The following ADARB2 variants were observed in gnomAD, a reference collection of about 807,000 sequenced individuals.
The protein encoded by ADARB2 is adenosine deaminase RNA specific B2 (inactive), also known as inactive double-stranded RNA-specific editase B2.
ADARB2 carries 25 observed loss-of-function variants against 62.2 expected under a neutral mutation model. The observed-to-expected ratio is 0.40, with a 90% CI of 0.29 to 0.56. The LOEUF (loss-of-function observed/expected upper bound fraction) is 0.56, where lower values mean the gene tolerates loss of function less well. ADARB2 is among the 20% of genes least tolerant of loss of function. The pLI, the probability that ADARB2 is intolerant of heterozygous loss-of-function variation, is 0.43. For synonymous variants in ADARB2, 572 were observed against 500.8 expected (o/e 1.14, Z -1.90); for missense variants, 1,071 against 1,077.4 (o/e 0.99, Z 0.08).
rs980743597 is a variant in ADARB2, at chr10:1,212,060, G to C, written c.1682+4891C>G. ...CCACGGCCACGTGTGTCCTCCTGCC[G>C]CTTCACAGACGGTGACTTCCACCTC... On this transcript the variant is annotated intron_variant, in intron 7 of 9. Coordinates refer to ENST00000381312, the MANE Select transcript of ADARB2 (RefSeq NM_018702.4). Among the ~76,000 whole-genome samples the C allele has an allele frequency of 6.6e-5, 10 of 152,216 alleles. No individual in the cohort carries two copies. In the East Asian group the frequency reaches 1.9e-3, roughly 29 times the overall value.
intron 1 of ADARB2, among the ~76,000 whole-genome samples, chr10:1,493,974 T>C (rs1183560843): frequency 4.6e-5 from 7 of 151,922 alleles, no homozygotes; most frequent in Non-Finnish European, 1.0e-4. Context: ...CAGGCTGGTC[T>C]TCAACTCCTG....
intron 1 of ADARB2, among the ~76,000 whole-genome samples, chr10:1,605,162 G>C (rs916172748): frequency 6.6e-6 from 1 of 152,182 alleles, no homozygotes; most frequent in African/African-American, 2.4e-5. Context: ...CAGAATCCAT[G>C]GTTCAGGTGA....
intron 6 of ADARB2, 21 bp downstream of exon 6, chr10:1,233,673 G>GGT: frequency 6.3e-7 from 1 of 1,596,246 alleles, no homozygotes; most frequent in Non-Finnish European, 8.6e-7. Context: ...GCCTACAGAA[G>GGT]GTAAAAGCAT....
intron 1 of ADARB2, among the ~76,000 whole-genome samples, chr10:1,711,015 C>T (rs938673647): frequency 1.3e-5 from 2 of 152,142 alleles, no homozygotes; most frequent in African/African-American, 4.8e-5. Flanking sequence ...CTTGCAAACT[C>T]TCAGGGCACC....
At chr10:1,334,130 G>A (rs1009094396) in intron 3 of ADARB2, among the ~76,000 whole-genome samples, 24 of 152,192 alleles carry the variant, frequency 1.6e-4, no homozygotes, top group Non-Finnish European at 5.9e-5. Context: ...GGCAGAGGCC[G>A]GAGGCTGTTT....
At chr10:1,247,563 C>T (rs538137596) in intron 4 of ADARB2, among the ~76,000 whole-genome samples, 42 of 152,202 alleles carry the variant, frequency 2.8e-4, no homozygotes, top group Admixed American at 7.8e-4. Context: ...AAGGAGAGGG[C>T]GGGCGTCATC....
At chr10:1,443,910 T>C (rs1830930880) in intron 1 of ADARB2, among the ~76,000 whole-genome samples, 1 of 152,166 alleles carries the variant, frequency 6.6e-6, no homozygotes, top group Non-Finnish European at 1.5e-5. Context: ...TCTACCACTA[T>C]TGCAGGTTAA....
intron 8 of ADARB2, among the ~76,000 whole-genome samples, chr10:1,195,700 G>T (rs1442344218): frequency 6.6e-6 from 1 of 152,096 alleles, no homozygotes; most frequent in South Asian, 2.1e-4. Flanking sequence ...AGAAGAAGAG[G>T]GATGGTGCTC....
intron 3 of ADARB2, among the ~76,000 whole-genome samples, chr10:1,276,319 C>G (rs1470886067): frequency 6.6e-6 from 1 of 152,252 alleles, no homozygotes; most frequent in East Asian, 1.9e-4. Context: ...TGAGAAGTGT[C>G]TGTTCATATC....
intron 1 of ADARB2, among the ~76,000 whole-genome samples, chr10:1,657,488 T>C (rs916382100): frequency 1.3e-5 from 2 of 152,232 alleles, no homozygotes; most frequent in Admixed American, 1.3e-4. Context: ...TCTTTCCTCC[T>C]CTCTTGGCCT....
At chr10:1,480,784 T>C (rs2131924114) in intron 1 of ADARB2, among the ~76,000 whole-genome samples, 1 of 152,272 alleles carries the variant, frequency 6.6e-6, no homozygotes, top group South Asian at 2.1e-4. Flanking sequence ...GTAAAAGCCT[T>C]GGATACTGAA....
At chr10:1,440,074 T>C (rs1830886161) in intron 1 of ADARB2, among the ~76,000 whole-genome samples, 2 of 149,718 alleles carry the variant, frequency 1.3e-5, no homozygotes, top group South Asian at 4.3e-4. Context: ...TTCTTCACTA[T>C]GGGGCTCCTG....
At chr10:1,185,143 G>C in intron 8 of ADARB2, 104 bp from the exon 9 acceptor site, 2 of 1,377,506 alleles carry the variant, frequency 1.5e-6, no homozygotes, top group Non-Finnish European at 9.7e-7. Context: ...GAGTGGGAAT[G>C]GTCCTCCCTT....
At chr10:1,675,478 G>A (rs1306673570) in intron 1 of ADARB2, 3 of 982,114 alleles carry the variant, frequency 3.1e-6, no homozygotes, top group African/African-American at 3.5e-5. Flanking sequence ...TTTGGGTTTG[G>A]GGGTACATGG....
intron 6 of ADARB2, among the ~76,000 whole-genome samples, chr10:1,224,442 T>C (rs1332099486): frequency 3.7e-4 from 56 of 152,052 alleles, no homozygotes; most frequent in Non-Finnish European, 6.8e-4. Context: ...CTGCTCTGAT[T>C]TTAGTTATTT....
intron 1 of ADARB2, among the ~76,000 whole-genome samples, chr10:1,474,750 G>A (rs1206117267): frequency 6.6e-6 from 1 of 152,148 alleles, no homozygotes; most frequent in African/African-American, 2.4e-5. Context: ...GGGTCGACTG[G>A]GTGGGGCATC....
At chr10:1,312,156 G>A (rs1244519526) in intron 3 of ADARB2, among the ~76,000 whole-genome samples, 1 of 152,218 alleles carries the variant, frequency 6.6e-6, no homozygotes, top group Non-Finnish European at 1.5e-5. Context: ...GGATTTGCAG[G>A]CGGCAAGTTT....
At chr10:1,270,162 G>A (rs987773208) in intron 4 of ADARB2, among the ~76,000 whole-genome samples, 3 of 152,216 alleles carry the variant, frequency 2.0e-5, no homozygotes, top group African/African-American at 7.2e-5. Context: ...GCCCAGCGTG[G>A]CTGAGAACCA....
chr10:1,483,103 T>G (rs1380012357), intron 1 of ADARB2, among the ~76,000 whole-genome samples: 2 of 152,214 alleles, frequency 1.3e-5, no homozygotes, highest in African/African-American at 4.8e-5. Flanking sequence ...CACTGTGTTG[T>G]GCTAATTATT....
Sources: gnomAD v4.1 joint callset for allele counts (sites outside exome capture counted in the v4.1 genomes callset) on GRCh38, gnomAD v4.1.1 for gene constraint, MANE v1.5 for transcripts, NCBI Gene and HGNC (gene_info 2026-07-23, HGNC 2026-07-21) for gene names.